The following PTPRD variants were observed in gnomAD, a reference collection of about 807,000 sequenced individuals.
The protein encoded by PTPRD is protein tyrosine phosphatase receptor type D.
A neutral mutation model predicts 214.5 loss-of-function variants in PTPRD; 34 were observed. That is an observed-to-expected ratio of 0.16 (90% CI 0.12 to 0.21). The LOEUF (loss-of-function observed/expected upper bound fraction) is 0.21. Ranked by LOEUF, PTPRD falls within the 10% of genes least tolerant of loss-of-function variation. The pLI, the probability that PTPRD is intolerant of heterozygous loss-of-function variation, is 1.00. For missense variants in PTPRD, 2,545 were observed against 2,398.7 expected, an observed-to-expected ratio of 1.06 and a Z score of -1.27; for synonymous variants, 1,128 against 845.7, an observed-to-expected ratio of 1.33 and a Z score of -5.79.
chr9:10,138,897 T>G (rs530515586), intron 3 of PTPRD, among the ~76,000 whole-genome samples: 42 of 151,924 alleles, frequency 2.8e-4, no homozygotes, highest in African/African-American at 9.9e-4. Flanking sequence ...GGAACATAGC[T>G]CAAAATAATA....
intron 4 of PTPRD, among the ~76,000 whole-genome samples, chr9:9,974,500 G>C (rs1402697511): frequency 6.6e-6 from 1 of 151,958 alleles, no homozygotes; most frequent in Non-Finnish European, 1.5e-5. Flanking sequence ...AAGGTCACCT[G>C]GCATAAGGAT....
At chr9:9,452,299 T>C (rs943739464) in intron 8 of PTPRD, among the ~76,000 whole-genome samples, 1 of 151,540 alleles carries the variant, frequency 6.6e-6, no homozygotes, top group Non-Finnish European at 1.5e-5. Flanking sequence ...CCTGGAATTC[T>C]ATACTCATTA....
At chr9:10,230,282 G>T (rs2099604103) in intron 3 of PTPRD, among the ~76,000 whole-genome samples, 1 of 151,968 alleles carries the variant, frequency 6.6e-6, no homozygotes. Context: ...ACATTGCGTT[G>T]TGTTAAGCCA....
At position 10,150,696 on chromosome 9, in the gene PTPRD, T is replaced by TA. The variant is rs371720094; in HGVS notation, c.-544-116907dup. ...TAAAAATGAAAAAAATAATAATCTT[T>TA]AAAAAAAAAGAAACAAAAAAAAAGA... On this transcript the variant is annotated intron_variant, in intron 3 of 45. Coordinates refer to ENST00000381196, the MANE Select transcript of PTPRD (RefSeq NM_002839.4). 1.6e-3 allele frequency among the ~76,000 whole-genome samples: 236 copies of TA among 148,300 alleles called. 1 individual carries two copies. Among genetic ancestry groups the TA allele is most frequent in the African/African-American group, 5.3e-3 (214 of 40,226 alleles).
intron 19 of PTPRD, among the ~76,000 whole-genome samples, chr9:8,522,283 C>T (rs374830598): frequency 6.6e-6 from 1 of 152,000 alleles, no homozygotes; most frequent in South Asian, 2.1e-4. Flanking sequence ...GAATCCAAGA[C>T]AGCAATGACC....
chr9:9,457,027 G>C (rs1240716449), intron 8 of PTPRD, among the ~76,000 whole-genome samples: 1 of 151,904 alleles, frequency 6.6e-6, no homozygotes, highest in Non-Finnish European at 1.5e-5. Flanking sequence ...CCAGTCATAG[G>C]GCAACTCTCT....
At chr9:9,375,187 T>A (rs2140028954) in intron 9 of PTPRD, among the ~76,000 whole-genome samples, 1 of 152,318 alleles carries the variant, frequency 6.6e-6, no homozygotes, top group South Asian at 2.1e-4. Context: ...AGACAATGTC[T>A]GTTATACCAA....
chr9:8,819,788 T>A (rs1303123549), intron 11 of PTPRD, among the ~76,000 whole-genome samples: 1 of 152,234 alleles, frequency 6.6e-6, no homozygotes, highest in African/African-American at 2.4e-5. Flanking sequence ...CATCGTGAAG[T>A]TGTTGATAGC....
At chr9:9,443,906 A>G (rs192848629) in intron 8 of PTPRD, among the ~76,000 whole-genome samples, 2 of 152,320 alleles carry the variant, frequency 1.3e-5, no homozygotes, top group Admixed American at 1.3e-4. Flanking sequence ...AGACTGAAAC[A>G]TGCACTTATA....
chr9:9,089,952 G>T (rs1215060052), intron 10 of PTPRD, among the ~76,000 whole-genome samples: 1 of 152,080 alleles, frequency 6.6e-6, no homozygotes, highest in Non-Finnish European at 1.5e-5. Flanking sequence ...GATACATAAT[G>T]TTTGTCCATA....
At position 8,417,013 on chromosome 9, in the gene PTPRD, T is replaced by G. The variant is rs188956290; in HGVS notation, c.4087-12353A>C. Among the ~76,000 whole-genome samples, 101 of 152,190 alleles carry G rather than the reference T, an allele frequency of 6.6e-4. 1 individual carries two copies. The highest frequency in any genetic ancestry group is 1.3e-3 in the Admixed American group (20 of 15,256). ...TCTAATAGATACGTAAATTATAAAT[T>G]TATTATCATGGAGCATAATTCCTTA... On this transcript the variant is annotated intron_variant, in intron 35 of 45. Transcript: ENST00000381196.
intron 3 of PTPRD, among the ~76,000 whole-genome samples, chr9:10,175,772 T>C (rs144589892): frequency 2.8e-3 from 431 of 152,120 alleles, no homozygotes; most frequent in African/African-American, 9.9e-3. Context: ...TGACCATATA[T>C]AGCCTTGACG....
At chr9:8,365,995 T>G (rs1588772007) in intron 39 of PTPRD, among the ~76,000 whole-genome samples, 1 of 152,174 alleles carries the variant, frequency 6.6e-6, no homozygotes, top group African/African-American at 2.4e-5. Flanking sequence ...TATTTGTAGG[T>G]AGCAATGCTA....
At chr9:8,551,622 G>T (rs2082133165) in intron 14 of PTPRD, among the ~76,000 whole-genome samples, 1 of 152,128 alleles carries the variant, frequency 6.6e-6, no homozygotes, top group Non-Finnish European at 1.5e-5. Flanking sequence ...ACCTGTGTGG[G>T]AAATAGCATG....
chr9:9,746,806 G>A (rs2098462818), intron 6 of PTPRD, among the ~76,000 whole-genome samples: 1 of 147,500 alleles, frequency 6.8e-6, no homozygotes, highest in Non-Finnish European at 1.5e-5. Context: ...GACAAGATGT[G>A]CTTGAAAAGT....
intron 42 of PTPRD, among the ~76,000 whole-genome samples, chr9:8,339,340 A>G (rs1850126440): frequency 6.6e-6 from 1 of 152,146 alleles, no homozygotes; most frequent in Admixed American, 6.6e-5. Context: ...TAGGGTAAGC[A>G]TCTTCATACC....
chr9:10,078,126 G>T (rs1356287415), intron 3 of PTPRD, among the ~76,000 whole-genome samples: 3 of 151,216 alleles, frequency 2.0e-5, no homozygotes, highest in Admixed American at 6.6e-5. Flanking sequence ...AAATAAGAAA[G>T]AAAAAAAATC....
chr9:8,460,549 T>C lies in PTPRD; in HGVS notation c.3737A>G (p.Tyr1246Cys), dbSNP rs2134159599. ...ATCCATTGACACCACGGGGTCGGAGTAAGGGCTGGTTGCATACATCTTCTG... is the reference window on the plus strand; with the variant it reads ...ATCCATTGACACCACGGGGTCGGAGCAAGGGCTGGTTGCATACATCTTCTG... ...AESKMYATSP[Y>C]SDPVVSMDLD... The change falls in exon 33 of 46, where the codon TAC becomes TGC. Residue 1246 changes from tyrosine (Y) to cysteine (C), a missense_variant. Physicochemically the swap from Tyr to Cys is radical, Grantham distance 194. Transcript: ENST00000381196. The C allele has an allele frequency of 6.2e-7, 1 of 1,613,028 alleles. No homozygotes were observed. Among genetic ancestry groups the C allele is most frequent in the Non-Finnish European group, 8.5e-7 (1 of 1,179,450 alleles).
chr9:9,686,577 A>C (rs954900405), intron 7 of PTPRD, among the ~76,000 whole-genome samples: 4 of 151,658 alleles, frequency 2.6e-5, no homozygotes, highest in African/African-American at 9.7e-5. Context: ...GCTAATAGGA[A>C]GGCAGCAGGA....
Sources: allele counts gnomAD v4.1 joint callset (sites outside exome capture counted in the v4.1 genomes callset), GRCh38; gene constraint gnomAD v4.1.1; transcripts MANE v1.5; gene names NCBI Gene and HGNC (gene_info 2026-07-23, HGNC 2026-07-21).